Variants in LINC00305 observed in about 807,000 individuals in gnomAD.
LINC00305 encodes long intergenic non-protein coding RNA 305.
chr18:64,126,707 C>T (rs779944313), intron 1 of LINC00305, among the ~76,000 whole-genome samples: 1 of 152,200 alleles, frequency 6.6e-6, no homozygotes, highest in South Asian at 2.1e-4. Flanking sequence ...GAGTGGTGAT[C>T]AAAGCGTGTC....
At chr18:64,103,143 G>T (rs2051274446) in intron 1 of LINC00305, among the ~76,000 whole-genome samples, 1 of 152,186 alleles carries the variant, frequency 6.6e-6, no homozygotes, top group African/African-American at 2.4e-5. Flanking sequence ...TGAATCAGAA[G>T]ATATAAAACA....
chr18:64,090,596 G>A (rs2144895159), intron 3 of LINC00305, among the ~76,000 whole-genome samples: 1 of 152,298 alleles, frequency 6.6e-6, no homozygotes, highest in South Asian at 2.1e-4. Flanking sequence ...AGGACTTGGT[G>A]CAGAATGAAA....
At chr18:64,137,405 G>GCA (rs1372473219) in intron 1 of LINC00305, among the ~76,000 whole-genome samples, 1 of 152,182 alleles carries the variant, frequency 6.6e-6, no homozygotes, top group African/African-American at 2.4e-5. Flanking sequence ...CTGGGAAATT[G>GCA]CAACAGATGT....
At chr18:64,135,139 C>T (rs1223731808) in intron 1 of LINC00305, among the ~76,000 whole-genome samples, 1 of 152,114 alleles carries the variant, frequency 6.6e-6, no homozygotes, top group Non-Finnish European at 1.5e-5. Flanking sequence ...TGTGTCTTTT[C>T]ACAACGTGTT....
At chr18:64,093,165 C>T (rs919957934) in intron 3 of LINC00305, among the ~76,000 whole-genome samples, 2 of 152,136 alleles carry the variant, frequency 1.3e-5, no homozygotes, top group African/African-American at 4.8e-5. Context: ...CCTGAAACCA[C>T]TCCAGCGATG....
chr18:64,134,512 A>C lies in LINC00305; in HGVS notation n.314+14263T>G, dbSNP rs1428531068. 2.6e-5 allele frequency among the ~76,000 whole-genome samples: 4 copies of C among 152,322 alleles called. No individual in the cohort carries two copies. In the East Asian group the frequency reaches 5.8e-4, roughly 22 times the overall value. On this transcript the variant is annotated intron_variant and non_coding_transcript_variant, in intron 1 of 3. Transcript: ENST00000666468. ...CAGCATGAGGTCTGACATGCTCTGCATACCTACCTTTTAGTCAATCTTGTT... is the reference window on the plus strand; with the variant it reads ...CAGCATGAGGTCTGACATGCTCTGCCTACCTACCTTTTAGTCAATCTTGTT...
chr18:64,138,114 C>T (rs1318583445), intron 1 of LINC00305, among the ~76,000 whole-genome samples: 1 of 152,084 alleles, frequency 6.6e-6, no homozygotes, highest in Non-Finnish European at 1.5e-5. Context: ...TAACAGAATC[C>T]AGGATGCTAT....
intron 1 of LINC00305, among the ~76,000 whole-genome samples, chr18:64,137,715 G>A (rs10503084): frequency 0.13 from 19,959 of 152,018 alleles, 1,428 homozygotes; most frequent in African/African-American, 0.17. Flanking sequence ...ATATCTATGA[G>A]TTGTCAGAAA....
intron 3 of LINC00305, among the ~76,000 whole-genome samples, chr18:64,087,647 C>T (rs1320036979): frequency 3.9e-5 from 6 of 152,008 alleles, no homozygotes; most frequent in African/African-American, 9.7e-5. Flanking sequence ...ATATAGGGAA[C>T]ATTCTGGGGT....
intron 1 of LINC00305, among the ~76,000 whole-genome samples, chr18:64,147,801 A>T (rs948931142): frequency 1.3e-5 from 2 of 152,162 alleles, no homozygotes; most frequent in Non-Finnish European, 2.9e-5. Context: ...TACAGCTGTC[A>T]TAATTCATAA....
chr18:64,087,943 A>C (rs2051209815), intron 3 of LINC00305, among the ~76,000 whole-genome samples: 1 of 151,876 alleles, frequency 6.6e-6, no homozygotes, highest in African/African-American at 2.4e-5. Context: ...TACAAAAAAA[A>C]ACAAAACAAA....
intron 1 of LINC00305, among the ~76,000 whole-genome samples, chr18:64,117,530 T>C (rs1210797544): frequency 6.6e-6 from 1 of 152,190 alleles, no homozygotes; most frequent in Non-Finnish European, 1.5e-5. Flanking sequence ...AGAATGATAA[T>C]TGATGTGTAA....
chr18:64,103,998 G>T (rs2144242617), intron 1 of LINC00305: 1 of 152,302 alleles, frequency 6.6e-6, no homozygotes, highest in East Asian at 1.9e-4. Flanking sequence ...TCCATGACTT[G>T]CGTATGTCAC....
intron 3 of LINC00305, among the ~76,000 whole-genome samples, chr18:64,089,930 C>T (rs1694430219): frequency 6.6e-6 from 1 of 152,154 alleles, no homozygotes; most frequent in South Asian, 2.1e-4. Context: ...CTCTTACAAC[C>T]TGTGGTAATT....
At chr18:64,142,556 A>G (rs1210358166) in intron 1 of LINC00305, among the ~76,000 whole-genome samples, 1 of 152,168 alleles carries the variant, frequency 6.6e-6, no homozygotes, top group Admixed American at 6.5e-5. Flanking sequence ...TACAAGCATG[A>G]ATTAGTGTTG....
intron 1 of LINC00305, among the ~76,000 whole-genome samples, chr18:64,126,631 A>G (rs2051386734): frequency 6.6e-6 from 1 of 152,108 alleles, no homozygotes; most frequent in Non-Finnish European, 1.5e-5. Flanking sequence ...AGACTGGCTC[A>G]TTCATTCCAC....
In LINC00305 at chr18:64,085,545, C is replaced by T. The variant is rs146875303; in HGVS notation, n.541-5143G>A. On this transcript the variant is annotated intron_variant and non_coding_transcript_variant, in intron 3 of 3. Coordinates refer to ENST00000666468, the Ensembl canonical transcript of LINC00305. ...TGGCACAATCTCGGCTCACGGCAAC[C>T]TCTGCCTCCCGGGTTCAAGAGATTC... 2.1e-3 allele frequency among the ~76,000 whole-genome samples: 324 copies of T among 152,210 alleles called. 1 individual carries two copies. Among genetic ancestry groups the T allele is most frequent in the African/African-American group, 6.8e-3 (281 of 41,520 alleles).
chr18:64,093,572 G>A (rs991707401), intron 3 of LINC00305, among the ~76,000 whole-genome samples: 2 of 152,164 alleles, frequency 1.3e-5, no homozygotes, highest in Admixed American at 1.3e-4. Flanking sequence ...GACCTCAAAT[G>A]ATCCACCTAC....
At chr18:64,090,445 T>C (rs917800129) in intron 3 of LINC00305, among the ~76,000 whole-genome samples, 1 of 152,236 alleles carries the variant, frequency 6.6e-6, no homozygotes. Flanking sequence ...AAAGAGTTTC[T>C]GTAATCTGTG....
Sources: gnomAD v4.1 joint callset for allele counts (sites outside exome capture counted in the v4.1 genomes callset) on GRCh38, gnomAD v4.1.1 for gene constraint, MANE v1.5 for transcripts, NCBI Gene and HGNC (gene_info 2026-07-23, HGNC 2026-07-21) for gene names.